Variants in ROS1 observed in about 807,000 individuals in gnomAD.
The protein encoded by ROS1 is ROS proto-oncogene 1, receptor tyrosine kinase, also known as proto-oncogene tyrosine-protein kinase ROS.
A neutral mutation model predicts 273.5 loss-of-function variants in ROS1; 263 were observed. The observed-to-expected ratio is 0.96, with a 90% CI of 0.87 to 1.06. ROS1 has a LOEUF of 1.06. ROS1 is among the 50% of genes least tolerant of loss of function. ROS1 has a pLI of 0.00. For synonymous variants in ROS1, 1,008 were observed against 954.1 expected (o/e 1.06, Z -1.04); for missense variants, 2,833 against 2,751.1 (o/e 1.03, Z -0.67).
intron 27 of ROS1, among the ~76,000 whole-genome samples, chr6:117,352,065 A>G (rs1053210172): frequency 1.1e-4 from 16 of 152,130 alleles, no homozygotes; most frequent in Non-Finnish European, 1.9e-4. Context: ...CAAAATACCA[A>G]TGAGGCCATG....
In ROS1 at chr6:117,365,640, G is replaced by T. The variant is rs1369931780; in HGVS notation, c.2899C>A (p.Pro967Thr). 2 of 1,612,528 alleles carry T rather than the reference G, an allele frequency of 1.2e-6. No individual in the cohort carries two copies. The highest frequency in any genetic ancestry group is 1.7e-4 in the Middle Eastern group (1 of 6,060). Residue 967 changes from proline (P) to threonine (T), a missense_variant, in exon 20 of 44, where the codon CCC (proline) becomes ACC (threonine). Coordinates refer to ENST00000368507, the MANE Select transcript of ROS1 (RefSeq NM_001378902.1). ...ASSFQILWNG[P>T]PAVDWGVVFY... ...ACTACACCCCAGTCTACCGCAGGGG[G>T]ACCATTCCACAGGATTTGAAAACTT...
At chr6:117,376,676 A>G (rs1781356134) in intron 18 of ROS1, among the ~76,000 whole-genome samples, 1 of 152,176 alleles carries the variant, frequency 6.6e-6, no homozygotes, top group African/African-American at 2.4e-5. Context: ...CATTAAAAAA[A>G]TTAGATACCT....
intron 35 of ROS1, among the ~76,000 whole-genome samples, chr6:117,321,829 ATTTTT>A (rs11451804): frequency 8.1e-6 from 1 of 123,026 alleles, no homozygotes; most frequent in Non-Finnish European, 1.7e-5. Context: ...TATAATGGCA[ATTTTT>A]TTTTTTTTTT....
intron 20 of ROS1, among the ~76,000 whole-genome samples, 164 bp downstream of exon 20, chr6:117,365,417 T>G (rs1479573623): frequency 6.6e-6 from 1 of 152,158 alleles, no homozygotes; most frequent in African/African-American, 2.4e-5. Flanking sequence ...AGAGACTGGC[T>G]GCAAACAAGT....
chr6:117,389,897 A>G (rs760422913), intron 12 of ROS1, 51 bp from the exon 13 acceptor site: 1 of 1,510,548 alleles, frequency 6.6e-7, no homozygotes, highest in Non-Finnish European at 9.0e-7. Flanking sequence ...AAGGTTGATG[A>G]GTAACCTCCT....
At chr6:117,324,072 G>A (rs1776464981) in intron 35 of ROS1, among the ~76,000 whole-genome samples, 2 of 152,118 alleles carry the variant, frequency 1.3e-5, no homozygotes. Context: ...CCTAAAAGTT[G>A]GTGCCCTTGC....
intron 43 of ROS1, among the ~76,000 whole-genome samples, chr6:117,296,398 C>CA (rs35151095): frequency 0.52 from 75,623 of 146,320 alleles, 19,943 homozygotes; most frequent in East Asian, 0.6. Context: ...GAGACTGTCT[C>CA]AAAAAAAAAA....
At chr6:117,346,354 G>A (rs1315127806) in intron 27 of ROS1, among the ~76,000 whole-genome samples, 2 of 151,796 alleles carry the variant, frequency 1.3e-5, no homozygotes, top group East Asian at 1.9e-4. Context: ...GCAGATGGAG[G>A]TAAAGTATTC....
chr6:117,307,058 A>G (rs991330047), intron 42 of ROS1, among the ~76,000 whole-genome samples: 3 of 152,182 alleles, frequency 2.0e-5, no homozygotes, highest in African/African-American at 4.8e-5. Context: ...TGTATAGAAT[A>G]TTATATTTTT....
Position 117,329,457 on chromosome 6 carries a change from A to C in ROS1, c.5231-11T>G, listed in dbSNP as rs367850549. The C allele has an allele frequency of 1.1e-5, 14 of 1,270,808 alleles. No homozygotes were observed. In the African/African-American group the frequency reaches 2.1e-4, roughly 19 times the overall value. The allele number at this position is 1,270,808 out of a possible 1,614,324, so 78.7% of individuals were successfully genotyped here. A position where few individuals can be genotyped will look rare whatever the true frequency, so the allele number is the denominator to read the frequency against. On this transcript the variant is annotated splice_polypyrimidine_tract_variant and intron_variant, in intron 32 of 43. Coordinates refer to ENST00000368507, the MANE Select transcript of ROS1 (RefSeq NM_001378902.1). The stretch of plus-strand genomic sequence containing the variant: ...TATTTGGGACTCCAGCTTTAGGGAA[A>C]AAAAGAAAATATTGGTTGATATGTT...
At chr6:117,365,788 T>G in intron 19 of ROS1, 47 bp from the exon 20 acceptor site, 1 of 1,335,074 alleles carries the variant, frequency 7.5e-7, no homozygotes. Flanking sequence ...AAATGGGGAT[T>G]ATTGACCAAT....
At chr6:117,310,035 T>A (rs1283050945) in intron 41 of ROS1, 46 bp downstream of exon 41, 1 of 1,498,872 alleles carries the variant, frequency 6.7e-7, no homozygotes, top group Non-Finnish European at 9.3e-7. Context: ...TCCCCTCTAA[T>A]GTTTGATGAT....
intron 43 of ROS1, among the ~76,000 whole-genome samples, chr6:117,297,368 G>C (rs1774323493): frequency 6.6e-6 from 1 of 152,172 alleles, no homozygotes; most frequent in Admixed American, 6.5e-5. Context: ...ATAGACAAAT[G>C]TGACTTAATT....
chr6:117,337,113 G>C (rs2128616356), intron 32 of ROS1, 59 bp downstream of exon 32: 1 of 1,299,222 alleles, frequency 7.7e-7, no homozygotes, highest in East Asian at 2.3e-5. Context: ...AGTGAAATAA[G>C]TGATAAGAAA....
chr6:117,329,814 C>T (rs1244483102), intron 32 of ROS1, among the ~76,000 whole-genome samples: 2 of 152,156 alleles, frequency 1.3e-5, no homozygotes, highest in African/African-American at 4.8e-5. Context: ...GGGGAAATTG[C>T]TTTTCCAAAG....
intron 43 of ROS1, among the ~76,000 whole-genome samples, chr6:117,295,125 A>T (rs1341860745): frequency 6.6e-6 from 1 of 152,214 alleles, no homozygotes; most frequent in Non-Finnish European, 1.5e-5. Context: ...GATCAAAGGT[A>T]CATATACAGA....
intron 25 of ROS1, among the ~76,000 whole-genome samples, chr6:117,357,473 C>T (rs998726455): frequency 6.6e-6 from 1 of 152,228 alleles, no homozygotes; most frequent in African/African-American, 2.4e-5. Flanking sequence ...CCCATCTGTT[C>T]CTGCTCACCT....
At chr6:117,368,285 T>A (rs533528471) in intron 18 of ROS1, among the ~76,000 whole-genome samples, 1 of 152,344 alleles carries the variant, frequency 6.6e-6, no homozygotes, top group Admixed American at 6.5e-5. Flanking sequence ...GTTTGATTTT[T>A]TTTTTAGTGA....
chr6:117,393,759 A>T (rs575892623), intron 11 of ROS1, among the ~76,000 whole-genome samples: 1 of 152,312 alleles, frequency 6.6e-6, no homozygotes, highest in East Asian at 1.9e-4. Flanking sequence ...GTCTTCCGAA[A>T]AGTACAGTAC....
Sources: allele counts gnomAD v4.1 joint callset (sites outside exome capture counted in the v4.1 genomes callset), GRCh38; gene constraint gnomAD v4.1.1; transcripts MANE v1.5; gene names NCBI Gene and HGNC (gene_info 2026-07-23, HGNC 2026-07-21).